TINAG: variants seen among roughly 807,000 people sequenced by gnomAD.
TINAG encodes tubulointerstitial nephritis antigen.
A neutral mutation model predicts 72.7 loss-of-function variants in TINAG; 83 were observed. That is an observed-to-expected ratio of 1.14 (90% CI 0.96 to 1.37). The LOEUF (loss-of-function observed/expected upper bound fraction) is 1.37, where lower values mean the gene tolerates loss of function less well. Among genes scored for constraint, TINAG ranks in the 40% most tolerant of loss-of-function variants. TINAG has a pLI of 0.00. For missense variants in TINAG, 685 were observed against 576.6 expected (o/e 1.19, Z -1.93); for synonymous variants, 234 against 189.9 (o/e 1.23, Z -1.91).
rs1785221801 is a variant in TINAG, at chr6:54,349,866, A to G, written c.1050A>G (p.Gln350=). Residue 350 remains glutamine (Q), a synonymous_variant, in exon 7 of 11, where the codon CAA becomes CAG. Coordinates refer to ENST00000259782, the MANE Select transcript of TINAG (RefSeq NM_014464.4). ...TAGAAAAATCTAACAGGATCTATCA[A>G]TGTTCTCCTCCATACAGAGTCTCTT... ...NNVEKSNRIY[Q]CSPPYRVSSN... The G allele has an allele frequency of 1.2e-6, 2 of 1,607,920 alleles. No homozygotes were observed. The highest frequency in any genetic ancestry group is 1.7e-6 in the Non-Finnish European group (2 of 1,176,222).
At chr6:54,356,496 C>T (rs996227047) in intron 9 of TINAG, among the ~76,000 whole-genome samples, 9 of 152,002 alleles carry the variant, frequency 5.9e-5, no homozygotes, top group South Asian at 2.1e-4. Context: ...TAAATCTGCA[C>T]TCTGGGCAAC....
intron 6 of TINAG, among the ~76,000 whole-genome samples, chr6:54,348,750 TA>T (rs1785190079): frequency 6.6e-6 from 1 of 152,170 alleles, no homozygotes; most frequent in Non-Finnish European, 1.5e-5. Flanking sequence ...ATATGAATTT[TA>T]AAGTGACACC....
At chr6:54,324,599 G>T (rs1381344872) in intron 3 of TINAG, among the ~76,000 whole-genome samples, 2 of 152,114 alleles carry the variant, frequency 1.3e-5, no homozygotes, top group Non-Finnish European at 2.9e-5. Flanking sequence ...ATTTTTCACT[G>T]TTTTCTCAAA....
chr6:54,354,212 T>TA (rs1317504970), intron 8 of TINAG, among the ~76,000 whole-genome samples: 1 of 151,922 alleles, frequency 6.6e-6, no homozygotes, highest in African/African-American at 2.4e-5. Context: ...CCAAGTATAG[T>TA]ATGCTTTTGT....
intron 6 of TINAG, 71 bp from the exon 7 acceptor site, chr6:54,349,645 G>A (rs1254267774): frequency 7.7e-7 from 1 of 1,302,244 alleles, no homozygotes; most frequent in African/African-American, 1.5e-5. Context: ...AATTCAGTAA[G>A]ATTAAATATA....
chr6:54,373,665 A>G (rs1400162175), intron 9 of TINAG, among the ~76,000 whole-genome samples: 2 of 152,088 alleles, frequency 1.3e-5, no homozygotes, highest in Non-Finnish European at 2.9e-5. Context: ...GACATGGACG[A>G]TATGCAAATA....
intron 9 of TINAG, among the ~76,000 whole-genome samples, chr6:54,361,465 A>T (rs1399061259): frequency 6.8e-6 from 1 of 147,504 alleles, no homozygotes; most frequent in Non-Finnish European, 1.5e-5. Flanking sequence ...AGAAGAGGGA[A>T]GTGCTACACA....
chr6:54,330,424 C>T (rs1410119316), intron 4 of TINAG, among the ~76,000 whole-genome samples: 9 of 152,138 alleles, frequency 5.9e-5, no homozygotes, highest in African/African-American at 1.2e-4. Flanking sequence ...AAAGACACAA[C>T]GTACCAGAAT....
At chr6:54,339,575 T>G (rs930995195) in intron 4 of TINAG, among the ~76,000 whole-genome samples, 9 of 152,016 alleles carry the variant, frequency 5.9e-5, no homozygotes, top group African/African-American at 2.2e-4. Flanking sequence ...GGCTGGGAAG[T>G]GGGCAATTAC....
At chr6:54,360,846 T>TTTTTTTTTTTTTTTTTTTTG (rs1763209352) in intron 9 of TINAG, among the ~76,000 whole-genome samples, 1 of 98,698 alleles carries the variant, frequency 1.0e-5, no homozygotes, top group African/African-American at 4.1e-5. Flanking sequence ...ACTGTGTTTT[T>TTTTTTTTTTTTTTTTTTTTG]TTTTTTTTTT....
At chr6:54,340,122 G>T (rs1177522447) in intron 4 of TINAG, among the ~76,000 whole-genome samples, 4 of 151,908 alleles carry the variant, frequency 2.6e-5, no homozygotes, top group Admixed American at 2.6e-4. Flanking sequence ...TCCCATATTT[G>T]CCAACAATAT....
At chr6:54,331,547 C>G (rs929408818) in intron 4 of TINAG, among the ~76,000 whole-genome samples, 1 of 152,022 alleles carries the variant, frequency 6.6e-6, no homozygotes, top group Non-Finnish European at 1.5e-5. Flanking sequence ...GAAAACTGGC[C>G]CAAGACAAGG....
At chr6:54,341,901 C>A (rs1473424302) in intron 4 of TINAG, among the ~76,000 whole-genome samples, 1 of 152,102 alleles carries the variant, frequency 6.6e-6, no homozygotes, top group Non-Finnish European at 1.5e-5. Context: ...CTCAACATGT[C>A]TTTTAACTGC....
chr6:54,389,773 T>C lies in TINAG; in HGVS notation c.1297-18T>C, dbSNP rs1212184154. On this transcript the variant is annotated intron_variant, in intron 10 of 10. Coordinates refer to ENST00000259782, the MANE Select transcript of TINAG (RefSeq NM_014464.4). ...AAAGTATGTTTCTCAACTTTTTTGT[T>C]TGTTTGTTTTTCTGCAGATTGCTGC... is the stretch of plus-strand genomic sequence containing the variant. 3 of 1,563,318 alleles carry C rather than the reference T, an allele frequency of 1.9e-6. No homozygotes were observed. The East Asian group carries it at 6.9e-5, about 36-fold the overall frequency.
Position 54,308,883 on chromosome 6 carries a change from C to T in TINAG, c.333C>T (p.His111=), listed in dbSNP as rs1297972168. ...FCREEKEWPP[H]TQPWYPEGCF... ...GTGAAGAGAAAGAATGGCCTCCTCA[C>T]ACACAGCCTTGGTATCCAGAAGGTA... The change falls in exon 1 of 11, where the codon CAC becomes CAT. Residue 111 remains histidine, a synonymous_variant. Coordinates refer to ENST00000259782, the MANE Select transcript of TINAG (RefSeq NM_014464.4). The T allele has an allele frequency of 6.2e-7, 1 of 1,611,920 alleles. No individual in the cohort carries two copies. The highest frequency in any genetic ancestry group is 1.7e-5 in the Admixed American group (1 of 59,894).
Position 54,329,650 on chromosome 6 carries a change from A to G in TINAG, c.624+2734A>G, listed in dbSNP as rs75166926. On this transcript the variant is annotated intron_variant, in intron 4 of 10. Coordinates refer to ENST00000259782, the MANE Select transcript of TINAG (RefSeq NM_014464.4). ...TTAACTTTAAATGTAAATGGGCTAA[A>G]TTCCCCCAATTAAAAGACACAGACT... Among the ~76,000 whole-genome samples, 1,492 of 152,274 alleles carry G rather than the reference A, an allele frequency of 9.8e-3. 38 individuals are homozygous for G. The highest frequency in any genetic ancestry group is 0.063 in the East Asian group (324 of 5,174).
At chr6:54,337,920 A>G (rs1314010318) in intron 4 of TINAG, among the ~76,000 whole-genome samples, 1 of 152,160 alleles carries the variant, frequency 6.6e-6, no homozygotes, top group East Asian at 1.9e-4. Context: ...TCATCCATGT[A>G]GGGAAAAGCC....
chr6:54,356,801 T>C (rs1360109884), intron 9 of TINAG, among the ~76,000 whole-genome samples: 3 of 151,910 alleles, frequency 2.0e-5, no homozygotes, highest in African/African-American at 7.2e-5. Context: ...CTTCATTTAT[T>C]GTAGACTCCA....
At position 54,364,768 on chromosome 6, in the gene TINAG, A is replaced by ATATC. The variant is rs531839524; in HGVS notation, c.1250+10153_1250+10156dup. 9.2e-3 allele frequency among the ~76,000 whole-genome samples: 1,393 copies of ATATC among 151,312 alleles called. 18 individuals are homozygous for ATATC. Among genetic ancestry groups the ATATC allele is most frequent in the South Asian group, 0.035 (167 of 4,812 alleles). ...GTAGTCATAAACCATTGATATCTCTATATCTATCTATCTATCTATCTATCA... is the reference window on the plus strand; with the variant it reads ...GTAGTCATAAACCATTGATATCTCTATATCTATCTATCTATCTATCTATCTATCA... On this transcript the variant is annotated intron_variant, in intron 9 of 10. Transcript: ENST00000259782.
Sources: gnomAD v4.1 joint callset for allele counts (sites outside exome capture counted in the v4.1 genomes callset) on GRCh38, gnomAD v4.1.1 for gene constraint, MANE v1.5 for transcripts, NCBI Gene and HGNC (gene_info 2026-07-23, HGNC 2026-07-21) for gene names.